Variants in ADAMTS14 observed in about 807,000 individuals in gnomAD.
ADAMTS14 encodes ADAM metallopeptidase with thrombospondin type 1 motif 14.
A neutral mutation model predicts 128.6 loss-of-function variants in ADAMTS14; 100 were observed. The observed-to-expected ratio is 0.78, with a 90% CI of 0.66 to 0.92. The LOEUF (loss-of-function observed/expected upper bound fraction) is 0.92. ADAMTS14 is among the 40% of genes least tolerant of loss of function. The pLI, the probability that ADAMTS14 is intolerant of heterozygous loss-of-function variation, is 0.00. For missense variants in ADAMTS14, 1,562 were observed against 1,658.6 expected, an observed-to-expected ratio of 0.94 and a Z score of 1.01; for synonymous variants, 665 against 653.8, an observed-to-expected ratio of 1.02 and a Z score of -0.26.
intron 18 of ADAMTS14, 118 bp downstream of exon 18, chr10:70,752,345 G>A (rs1842375164): frequency 7.1e-7 from 1 of 1,403,412 alleles, no homozygotes; most frequent in Non-Finnish European, 9.5e-7. Flanking sequence ...GACCATACAG[G>A]CAACACAACT....
intron 5 of ADAMTS14, among the ~76,000 whole-genome samples, chr10:70,729,896 G>C (rs1347538869): frequency 1.3e-5 from 2 of 152,260 alleles, no homozygotes; most frequent in Non-Finnish European, 2.9e-5. Context: ...ACGCATCTCA[G>C]CATGGTGCTT....
intron 11 of ADAMTS14, among the ~76,000 whole-genome samples, 159 bp from the exon 12 acceptor site, chr10:70,740,828 C>T (rs1401131425): frequency 6.6e-6 from 1 of 152,216 alleles, no homozygotes; most frequent in African/African-American, 2.4e-5. Context: ...CTGAGCTCCA[C>T]AGCCCCCACC....
intron 4 of ADAMTS14, among the ~76,000 whole-genome samples, chr10:70,719,606 C>G (rs1313070546): frequency 2.0e-5 from 3 of 151,982 alleles, no homozygotes; most frequent in East Asian, 1.9e-4. Flanking sequence ...CAAGGTCTCA[C>G]TACGTTGCTC....
At chr10:70,732,385 G>A (rs1238227996) in intron 7 of ADAMTS14, 26 bp downstream of exon 7, 2 of 1,586,584 alleles carry the variant, frequency 1.3e-6, no homozygotes, top group South Asian at 2.2e-5. Flanking sequence ...ACGGTGGGTG[G>A]GACTGGCAGC....
At chr10:70,712,146 G>A (rs570849754) in intron 4 of ADAMTS14, among the ~76,000 whole-genome samples, 2 of 152,274 alleles carry the variant, frequency 1.3e-5, no homozygotes, top group South Asian at 4.2e-4. Flanking sequence ...GCAAATCACA[G>A]GCCCAGCCTG....
chr10:70,744,974 A>G (rs1564553684), intron 14 of ADAMTS14, among the ~76,000 whole-genome samples: 1 of 152,122 alleles, frequency 6.6e-6, no homozygotes, highest in Non-Finnish European at 1.5e-5. Flanking sequence ...GAGGGTCAGG[A>G]AAGAGGGAAG....
rs570889011 is a variant in ADAMTS14, at chr10:70,733,810, GGCCT to G, written c.1209-58_1209-55del. The G allele has an allele frequency of 1.7e-4, 260 of 1,543,434 alleles. No homozygotes were observed. The Admixed American group carries it at 3.2e-3, about 19-fold the overall frequency. ...GGTCAGGTCAGGGTCTCCTGCTGCT[GGCCT>G]GCCTGCCTGCCTGCCTTCCCGGGGC... On this transcript the variant is annotated intron_variant, in intron 7 of 21. Transcript: ENST00000373207.
At position 70,675,165 on chromosome 10, in the gene ADAMTS14, A is replaced by C. The variant is rs548297532; in HGVS notation, c.522+170A>C. ...CGGGCCACTAGGTTCATGCGCTGCC[A>C]GGTGTGAAGTGGCCAAGTTGGGATG... On this transcript the variant is annotated intron_variant, in intron 2 of 21. Transcript: ENST00000373207. Among the ~76,000 whole-genome samples, 418 of 152,300 alleles carry C rather than the reference A, an allele frequency of 2.7e-3. 5 individuals are homozygous for C. The highest frequency in any genetic ancestry group is 9.7e-3 in the African/African-American group (402 of 41,552).
At chr10:70,746,621 A>G (rs1842186867) in intron 15 of ADAMTS14, among the ~76,000 whole-genome samples, 1 of 152,202 alleles carries the variant, frequency 6.6e-6, no homozygotes, top group African/African-American at 2.4e-5. Flanking sequence ...CAGCCTGGGG[A>G]ACATGGTGAA....
In ADAMTS14 at chr10:70,749,896, G is replaced by T. The variant is rs780861873; in HGVS notation, c.2338G>T (p.Ala780Ser). The stretch of plus-strand genomic sequence containing the variant: ...GGAAGCCACAAGCCGGACCTTCACC[G>T]CCATGGGCCTGGAGTGGGAGGATGC... ...GKEATSRTFT[A>S]MGLEWEDAVE... Residue 780 changes from alanine to serine, a missense_variant, in exon 16 of 22, where the codon GCC becomes TCC. By Grantham distance (99) the Ala-to-Ser change is moderately conservative (BLOSUM62 1). Transcript: ENST00000373207. 1 of 1,613,990 alleles carries T rather than the reference G, an allele frequency of 6.2e-7. No individual in the cohort carries two copies. Among genetic ancestry groups the T allele is most frequent in the Non-Finnish European group, 8.5e-7 (1 of 1,180,022 alleles).
intron 4 of ADAMTS14, among the ~76,000 whole-genome samples, chr10:70,716,713 TG>T (rs1158751046): frequency 1.3e-5 from 2 of 152,210 alleles, no homozygotes; most frequent in Non-Finnish European, 2.9e-5. Flanking sequence ...GGGCCAGGTC[TG>T]GGCTGGCGGG....
chr10:70,700,823 G>C lies in ADAMTS14; in HGVS notation c.523-1489G>C, dbSNP rs532092426. The stretch of plus-strand genomic sequence containing the variant: ...GGGCCTATTTTTTCCATTTGTCCCT[G>C]CCCATAGGAGGCACACAGTAGGTAT... On this transcript the variant is annotated intron_variant, in intron 2 of 21. Transcript: ENST00000373207. Among the ~76,000 whole-genome samples, 8 of 152,298 alleles carry C rather than the reference G, an allele frequency of 5.3e-5. No individual in the cohort carries two copies. The East Asian group carries it at 1.5e-3, about 29-fold the overall frequency.
rs139657777 is a variant in ADAMTS14 at position 70,674,665 on chromosome 10, T to G, written c.192T>G (p.Ser64=). 53 of 1,613,558 alleles carry G rather than the reference T, an allele frequency of 3.3e-5. No homozygotes were observed. The African/African-American group carries it at 6.5e-4, about 20-fold the overall frequency. ...TGGTGTCTGGCCCAGCAGCAGCCTC[T>G]GCAGGGAGCATGGTAGTGGACACGC... ...SHVVSGPAAA[S]AGSMVVDTPP... Residue 64 remains serine, a synonymous_variant, in exon 2 of 22, where the codon TCT becomes TCG. Coordinates refer to ENST00000373207, the MANE Select transcript of ADAMTS14 (RefSeq NM_080722.4).
intron 2 of ADAMTS14, among the ~76,000 whole-genome samples, chr10:70,687,377 CA>C: frequency 1.5e-5 from 1 of 65,588 alleles, no homozygotes; most frequent in Non-Finnish European, 3.3e-5. Context: ...GCTGGCCGGG[CA>C]GAGGGGCTCC....
At chr10:70,712,215 C>T (rs930923653) in intron 4 of ADAMTS14, among the ~76,000 whole-genome samples, 1 of 151,864 alleles carries the variant, frequency 6.6e-6, no homozygotes, top group Non-Finnish European at 1.5e-5. Flanking sequence ...CCAGGTTTGG[C>T]CCCTGGAGCC....
intron 2 of ADAMTS14, among the ~76,000 whole-genome samples, chr10:70,692,719 G>T (rs183235191): frequency 6.6e-6 from 1 of 152,170 alleles, no homozygotes; most frequent in African/African-American, 2.4e-5. Flanking sequence ...TAACAGCTGC[G>T]TATGTTTCTG....
In ADAMTS14 at chr10:70,738,853, AG is replaced by A; in HGVS notation, c.1613del (p.Gly538ValfsTer55). 1 of 1,614,050 alleles carries A rather than the reference AG, an allele frequency of 6.2e-7. No individual in the cohort carries two copies. The highest frequency in any genetic ancestry group is 2.2e-5 in the East Asian group (1 of 44,876). ...ECAPGKWCFKGHCIWKSPEQT... is the reference protein window; with the variant it reads ...ECAPGKWCFKXHCIWKSPEQT... Reference sequence around the variant, plus strand: ...CTGCTCTGCCCCAGTGGTGCTTCAAAGGTCACTGCATCTGGAAGTCGCCGGA... The same window carrying A: ...CTGCTCTGCCCCAGTGGTGCTTCAAAGTCACTGCATCTGGAAGTCGCCGGA... On this transcript the variant is annotated frameshift_variant, in exon 11 of 22. Transcript: ENST00000373207. LOFTEE classifies it high-confidence loss of function.
At position 70,751,556 on chromosome 10, in the gene ADAMTS14, A is replaced by T; in HGVS notation, c.2506A>T (p.Ile836Phe). 1.2e-6 allele frequency: 2 copies of T among 1,613,674 alleles called. No homozygotes were observed. Among genetic ancestry groups the T allele is most frequent in the South Asian group, 1.1e-5 (1 of 91,052 alleles). ...YVIHEDLLPL[I>F]GSNNVLLEEM... ...CATCCATGAGGACCTGCTGCCCCTTATCGGGAGCAACAATGTGCTCCTGGA... is the reference window on the plus strand; with the variant it reads ...CATCCATGAGGACCTGCTGCCCCTTTTCGGGAGCAACAATGTGCTCCTGGA... The change falls in exon 17 of 22, where the codon ATC becomes TTC. Residue 836 changes from isoleucine to phenylalanine, a missense_variant. Transcript: ENST00000373207.
chr10:70,742,437 C>T lies in ADAMTS14; in HGVS notation c.1925-1111C>T, dbSNP rs188428352. ...GAGCTCCCCCAGACCCAGGTCCCTACAGGAATCTGGTTCCTGTGGATGAAA... is the reference window on the plus strand; with the variant it reads ...GAGCTCCCCCAGACCCAGGTCCCTATAGGAATCTGGTTCCTGTGGATGAAA... On this transcript the variant is annotated intron_variant, in intron 12 of 21. Transcript: ENST00000373207. 1.3e-3 allele frequency among the ~76,000 whole-genome samples: 202 copies of T among 152,286 alleles called. 1 individual carries two copies. Among genetic ancestry groups the T allele is most frequent in the Middle Eastern group, 6.8e-3 (2 of 294 alleles).
Sources: gnomAD v4.1 joint callset for allele counts (sites outside exome capture counted in the v4.1 genomes callset) on GRCh38, gnomAD v4.1.1 for gene constraint, MANE v1.5 for transcripts, NCBI Gene and HGNC (gene_info 2026-07-23, HGNC 2026-07-21) for gene names.